FOXN3: variants seen among roughly 807,000 people sequenced by gnomAD.
FOXN3 encodes forkhead box N3.
FOXN3 carries 7 observed loss-of-function variants against 38.4 expected under a neutral mutation model. That is an observed-to-expected ratio of 0.18 (90% CI 0.10 to 0.34). The LOEUF (loss-of-function observed/expected upper bound fraction) is 0.34. FOXN3 is among the 10% of genes least tolerant of loss of function. The pLI, the probability that FOXN3 is intolerant of heterozygous loss-of-function variation, is 1.00. For missense variants in FOXN3, 456 were observed against 613.4 expected (o/e 0.74, Z 2.71); for synonymous variants, 230 against 242.2 (o/e 0.95, Z 0.47).
chr14:89,585,006 G>A (rs1413085109), intron 1 of FOXN3, among the ~76,000 whole-genome samples: 5 of 152,150 alleles, frequency 3.3e-5, no homozygotes, highest in Non-Finnish European at 7.4e-5. Flanking sequence ...GTGAGCCACC[G>A]TGCCCGGCAA....
intron 3 of FOXN3, among the ~76,000 whole-genome samples, chr14:89,349,168 G>A (rs947747521): frequency 2.0e-5 from 3 of 152,212 alleles, no homozygotes; most frequent in East Asian, 1.9e-4. Flanking sequence ...CTTGTACATC[G>A]GCAATTCTCC....
At chr14:89,380,490 G>A (rs1890612438) in intron 2 of FOXN3, among the ~76,000 whole-genome samples, 1 of 152,210 alleles carries the variant, frequency 6.6e-6, no homozygotes, top group Non-Finnish European at 1.5e-5. Context: ...CAGCAGTCAA[G>A]CTTCCTGAGA....
intron 4 of FOXN3, among the ~76,000 whole-genome samples, chr14:89,186,416 C>A (rs965412926): frequency 2.0e-5 from 3 of 152,086 alleles, no homozygotes; most frequent in Non-Finnish European, 4.4e-5. Flanking sequence ...GATCTGGCTT[C>A]TCCTGACTAA....
rs567150538 is a variant in FOXN3 at position 89,281,858 on chromosome 14, A to G, written c.681-844T>C. 6.0e-4 allele frequency among the ~76,000 whole-genome samples: 92 copies of G among 152,344 alleles called. 1 individual carries two copies. Among genetic ancestry groups the G allele is most frequent in the African/African-American group, 2.1e-3 (86 of 41,582 alleles). ...ACATCCAGCCCAAGAGGCAGTATAA[A>G]TTACTCTCATCAAAATAGTACATGA... is the stretch of plus-strand genomic sequence containing the variant. On this transcript the variant is annotated intron_variant, in intron 3 of 5. Coordinates refer to ENST00000557258, the MANE Select transcript of FOXN3 (RefSeq NM_005197.4).
chr14:89,353,361 T>G (rs965497125), intron 2 of FOXN3: 3 of 152,200 alleles, frequency 2.0e-5, no homozygotes, highest in African/African-American at 7.2e-5. Context: ...ACAATGTCTT[T>G]CATTGAACCA....
chr14:89,277,002 G>A (rs1329233669), intron 4 of FOXN3, among the ~76,000 whole-genome samples: 1 of 152,146 alleles, frequency 6.6e-6, no homozygotes, highest in South Asian at 2.1e-4. Context: ...GGTGAGGAAT[G>A]TCTTTAATTA....
intron 1 of FOXN3, among the ~76,000 whole-genome samples, chr14:89,491,868 C>G (rs898065808): frequency 5.3e-5 from 8 of 152,132 alleles, no homozygotes; most frequent in African/African-American, 1.9e-4. Context: ...TAAGTACTGC[C>G]AAGATTTCAC....
At chr14:89,324,443 C>CGTGCGTGT (rs1306757895) in intron 3 of FOXN3, among the ~76,000 whole-genome samples, 1 of 143,384 alleles carries the variant, frequency 7.0e-6, no homozygotes, top group African/African-American at 2.6e-5. Flanking sequence ...TAAGTGTGTG[C>CGTGCGTGT]GTGTGTGTGT....
chr14:89,537,653 C>T (rs534292291), intron 1 of FOXN3, among the ~76,000 whole-genome samples: 103 of 152,336 alleles, frequency 6.8e-4, no homozygotes, highest in Non-Finnish European at 1.4e-3. Flanking sequence ...TCCCTTGGTT[C>T]CCCCACTGCC....
intron 1 of FOXN3, among the ~76,000 whole-genome samples, chr14:89,487,101 C>T (rs1893461823): frequency 6.6e-6 from 1 of 152,192 alleles, no homozygotes; most frequent in South Asian, 2.1e-4. Context: ...ACCAAGTGTA[C>T]ACGCTGCAAA....
chr14:89,582,490 T>G (rs999819583), intron 1 of FOXN3, among the ~76,000 whole-genome samples: 1 of 130,592 alleles, frequency 7.7e-6, no homozygotes, highest in Non-Finnish European at 1.5e-5. Context: ...AACTCACCTT[T>G]TTTTTTTTTT....
intron 1 of FOXN3, among the ~76,000 whole-genome samples, chr14:89,606,285 C>T (rs747715104): frequency 6.6e-5 from 10 of 152,062 alleles, no homozygotes; most frequent in Non-Finnish European, 1.5e-4. Flanking sequence ...ATACCACTTC[C>T]AGATAAACAG....
At chr14:89,541,756 T>C (rs1177288542) in intron 1 of FOXN3, among the ~76,000 whole-genome samples, 4 of 152,084 alleles carry the variant, frequency 2.6e-5, no homozygotes, top group Non-Finnish European at 5.9e-5. Context: ...AGGACCCCTT[T>C]CCCGTAACAG....
intron 5 of FOXN3, among the ~76,000 whole-genome samples, 174 bp downstream of exon 5, chr14:89,180,527 G>T (rs967502227): frequency 2.0e-5 from 3 of 152,154 alleles, no homozygotes; most frequent in Non-Finnish European, 4.4e-5. Context: ...AGAGAAGGGG[G>T]CATTTGGATT....
intron 1 of FOXN3, among the ~76,000 whole-genome samples, chr14:89,570,372 T>A (rs747442246): frequency 3.3e-5 from 5 of 152,204 alleles, no homozygotes; most frequent in Admixed American, 6.5e-5. Flanking sequence ...GTTCTATAAT[T>A]TGGCATATCA....
At chr14:89,370,011 C>T (rs182696716) in intron 2 of FOXN3, among the ~76,000 whole-genome samples, 5 of 152,344 alleles carry the variant, frequency 3.3e-5, no homozygotes, top group Admixed American at 3.3e-4. Context: ...TTGGATTATC[C>T]AACTGCACTA....
At chr14:89,185,833 A>G (rs1887791247) in intron 4 of FOXN3, 1 of 152,300 alleles carries the variant, frequency 6.6e-6, no homozygotes, top group Non-Finnish European at 1.5e-5. Flanking sequence ...CAAGAGGGCA[A>G]CCTTCACACA....
At chr14:89,414,788 T>C (rs1308866708) in intron 1 of FOXN3, among the ~76,000 whole-genome samples, 1 of 152,004 alleles carries the variant, frequency 6.6e-6, no homozygotes, top group Non-Finnish European at 1.5e-5. Context: ...CTTGATCTCG[T>C]GATCCACCCG....
chr14:89,363,953 T>TATATATAA (rs1889993824), intron 2 of FOXN3, among the ~76,000 whole-genome samples: 2 of 3,464 alleles, frequency 5.8e-4, no homozygotes, highest in African/African-American at 6.8e-4. Flanking sequence ...GTAAAATATA[T>TATATATAA]ATATATATAT....
Sources: allele counts gnomAD v4.1 joint callset (sites outside exome capture counted in the v4.1 genomes callset), GRCh38; gene constraint gnomAD v4.1.1; transcripts MANE v1.5; gene names NCBI Gene and HGNC (gene_info 2026-07-23, HGNC 2026-07-21).